The following ATF7IP variants were observed in gnomAD, a reference collection of about 807,000 sequenced individuals.
ATF7IP encodes the protein activating transcription factor 7 interacting protein, also known as activating transcription factor 7-interacting protein 1.
In ATF7IP, 23 loss-of-function variants were observed where a neutral mutation model predicts 106.4. The ratio of observed to expected loss-of-function variants is 0.22; its 90% confidence interval spans 0.16 to 0.31. The LOEUF is 0.31. Among genes scored for constraint, ATF7IP ranks in the 10% least tolerant of loss-of-function variants. The pLI is 1.00. For missense variants in ATF7IP, 1,334 were observed against 1,524.3 expected (o/e 0.88, Z 2.08); for synonymous variants, 542 against 539.0 (o/e 1.01, Z -0.08).
intron 10 of ATF7IP, among the ~76,000 whole-genome samples, chr12:14,474,719 T>G (rs1040337542): frequency 2.0e-5 from 3 of 152,190 alleles, no homozygotes; most frequent in Admixed American, 2.0e-4. Flanking sequence ...TTTTAATAGC[T>G]ACTTTCGAGT....
At chr12:14,431,532 C>T (rs764110956) in intron 2 of ATF7IP, among the ~76,000 whole-genome samples, 4 of 151,810 alleles carry the variant, frequency 2.6e-5, no homozygotes, top group Non-Finnish European at 5.9e-5. Context: ...GTAGCTGGGA[C>T]TACAGGCATG....
At chr12:14,370,099 G>A (rs1013632599) in intron 1 of ATF7IP, among the ~76,000 whole-genome samples, 1 of 151,954 alleles carries the variant, frequency 6.6e-6, no homozygotes, top group Non-Finnish European at 1.5e-5. Context: ...CACTATGCCC[G>A]GCTAATTTTG....
chr12:14,425,437 T>A lies in ATF7IP; in HGVS notation c.1522T>A (p.Ser508Thr). 1 of 1,573,878 alleles carries A rather than the reference T, an allele frequency of 6.4e-7. No individual in the cohort carries two copies. Among genetic ancestry groups the A allele is most frequent in the Non-Finnish European group, 8.6e-7 (1 of 1,164,576 alleles). ...GGATATTTCGGGTGAAAAAGATGAG[T>A]CTGAAGTTATATCGCAAAATGAAAC... ...EEDISGEKDE[S>T]EVISQNETCS... The change falls in exon 2 of 15, where the codon TCT becomes ACT. Residue 508 changes from serine to threonine, a missense_variant. Coordinates refer to ENST00000261168, the MANE Select transcript of ATF7IP (RefSeq NM_018179.5).
intron 6 of ATF7IP, among the ~76,000 whole-genome samples, chr12:14,451,937 A>G (rs374983343): frequency 2.6e-5 from 4 of 152,294 alleles, no homozygotes; most frequent in African/African-American, 9.6e-5. Flanking sequence ...GGTTCTATCC[A>G]TTATTGAAAG....
At chr12:14,479,471 T>C (rs752326475) in intron 12 of ATF7IP, among the ~76,000 whole-genome samples, 11 of 152,192 alleles carry the variant, frequency 7.2e-5, no homozygotes, top group Non-Finnish European at 1.3e-4. Context: ...ACAGTACTTA[T>C]ATAAGTACTC....
At chr12:14,460,401 A>T in intron 8 of ATF7IP, 94 bp from the exon 9 acceptor site, 1 of 1,253,794 alleles carries the variant, frequency 8.0e-7, no homozygotes, top group Non-Finnish European at 1.1e-6. Context: ...TTTGCAATGT[A>T]TTACGCAATG....
At chr12:14,456,329 T>C (rs1383801235) in intron 6 of ATF7IP, among the ~76,000 whole-genome samples, 1 of 152,204 alleles carries the variant, frequency 6.6e-6, no homozygotes, top group East Asian at 1.9e-4. Flanking sequence ...ATTATTATAT[T>C]AATCTCTCAA....
intron 1 of ATF7IP, among the ~76,000 whole-genome samples, chr12:14,409,900 A>AT (rs1035433187): frequency 7.9e-5 from 12 of 152,094 alleles, no homozygotes; most frequent in East Asian, 7.7e-4. Flanking sequence ...AAGTTCTGCT[A>AT]TTTTTTTTAA....
intron 1 of ATF7IP, among the ~76,000 whole-genome samples, chr12:14,411,641 T>C (rs184873685): frequency 9.5e-4 from 145 of 152,326 alleles, no homozygotes; most frequent in Middle Eastern, 3.4e-3. Context: ...TGTTTTATTA[T>C]TGAATTGTAA....
intron 2 of ATF7IP, among the ~76,000 whole-genome samples, chr12:14,433,288 C>T (rs1222799835): frequency 6.6e-6 from 1 of 151,986 alleles, no homozygotes; most frequent in Non-Finnish European, 1.5e-5. Context: ...GGGTGGATCA[C>T]GAGGTCAAGA....
intron 12 of ATF7IP, among the ~76,000 whole-genome samples, chr12:14,478,922 C>G (rs1054345094): frequency 6.6e-6 from 1 of 152,238 alleles, no homozygotes; most frequent in Non-Finnish European, 1.5e-5. Context: ...TGAGCCTTTA[C>G]TATGCTAATT....
At chr12:14,482,885 G>C (rs1414970116) in intron 13 of ATF7IP, among the ~76,000 whole-genome samples, 1 of 152,056 alleles carries the variant, frequency 6.6e-6, no homozygotes, top group Non-Finnish European at 1.5e-5. Context: ...TGTACAACCG[G>C]AAACACACCA....
rs1272556273 is a variant in ATF7IP, at chr12:14,402,240, A to G, written c.-7-21669A>G. Among the ~76,000 whole-genome samples, 5 of 147,122 alleles carry G rather than the reference A, an allele frequency of 3.4e-5. No individual in the cohort carries two copies. In the East Asian group the frequency reaches 8.0e-4, roughly 24 times the overall value. Reference sequence around the variant, plus strand: ...CTTCTGGGGCTCAAGTGATTCTCCCACCACAGCCTCCCAGGGAGCTGGGGC... The same window carrying G: ...CTTCTGGGGCTCAAGTGATTCTCCCGCCACAGCCTCCCAGGGAGCTGGGGC... On this transcript the variant is annotated intron_variant, in intron 1 of 14. Coordinates refer to ENST00000261168, the MANE Select transcript of ATF7IP (RefSeq NM_018179.5).
At chr12:14,413,585 A>G (rs1460298753) in intron 1 of ATF7IP, among the ~76,000 whole-genome samples, 2 of 152,192 alleles carry the variant, frequency 1.3e-5, no homozygotes, top group African/African-American at 4.8e-5. Context: ...TAAAATTACT[A>G]TTTGTGTAAT....
intron 13 of ATF7IP, among the ~76,000 whole-genome samples, chr12:14,492,518 ATT>A (rs1944863006): frequency 1.8e-5 from 1 of 55,556 alleles, no homozygotes; most frequent in East Asian, 1.1e-3. Flanking sequence ...CTGGAAATTG[ATT>A]GAGGGGTCAT....
At chr12:14,414,687 G>A (rs1395761854) in intron 1 of ATF7IP, among the ~76,000 whole-genome samples, 1 of 152,106 alleles carries the variant, frequency 6.6e-6, no homozygotes, top group African/African-American at 2.4e-5. Context: ...TAATGAAAAA[G>A]TATACAGTTA....
intron 1 of ATF7IP, among the ~76,000 whole-genome samples, chr12:14,370,246 A>T (rs1591749527): frequency 6.6e-6 from 1 of 152,100 alleles, no homozygotes; most frequent in South Asian, 2.1e-4. Flanking sequence ...TCCTATGTGC[A>T]TTTTTCTGGG....
At chr12:14,467,793 C>T (rs2136754329) in intron 10 of ATF7IP, among the ~76,000 whole-genome samples, 1 of 151,682 alleles carries the variant, frequency 6.6e-6, no homozygotes, top group South Asian at 2.1e-4. Context: ...ATGATAGCCA[C>T]TAGTCACATG....
intron 2 of ATF7IP, among the ~76,000 whole-genome samples, chr12:14,433,830 A>G (rs1212494432): frequency 1.3e-5 from 2 of 152,178 alleles, no homozygotes; most frequent in Non-Finnish European, 2.9e-5. Context: ...GTAGGTATAT[A>G]TTTAAAGTTT....
Sources: allele counts gnomAD v4.1 joint callset (sites outside exome capture counted in the v4.1 genomes callset), GRCh38; gene constraint gnomAD v4.1.1; transcripts MANE v1.5; gene names NCBI Gene and HGNC (gene_info 2026-07-23, HGNC 2026-07-21).